CDH18: variants seen among roughly 807,000 people sequenced by gnomAD.
The protein encoded by CDH18 is cadherin 18, also known as cadherin-18.
In CDH18, 31 loss-of-function variants were observed where a neutral mutation model predicts 67.9. That is an observed-to-expected ratio of 0.46 (90% CI 0.34 to 0.62). CDH18 has a LOEUF of 0.62. Ranked by LOEUF, CDH18 falls within the 20% of genes least tolerant of loss-of-function variation. The pLI is 0.01. For synonymous variants in CDH18, 362 were observed against 347.2 expected (o/e 1.04, Z -0.48); for missense variants, 890 against 975.5 (o/e 0.91, Z 1.17).
intron 6 of CDH18, among the ~76,000 whole-genome samples, chr5:19,608,070 T>A (rs2150092242): frequency 6.6e-6 from 1 of 151,818 alleles, no homozygotes; most frequent in African/African-American, 2.4e-5. Flanking sequence ...TGGAAGACTT[T>A]AACATCTCTC....
intron 2 of CDH18, among the ~76,000 whole-genome samples, chr5:19,958,345 A>G (rs1796465079): frequency 6.7e-6 from 1 of 148,984 alleles, no homozygotes; most frequent in Non-Finnish European, 1.5e-5. Context: ...CTTATACTAG[A>G]TAAAGAAACT....
intron 3 of CDH18, among the ~76,000 whole-genome samples, chr5:19,768,601 T>C (rs938721842): frequency 3.3e-5 from 5 of 152,046 alleles, no homozygotes; most frequent in Non-Finnish European, 4.4e-5. Context: ...TATATATTGG[T>C]TCCAGATATT....
At chr5:20,338,299 C>T (rs115380042) in intron 1 of CDH18, among the ~76,000 whole-genome samples, 1,626 of 152,306 alleles carry the variant, frequency 0.011, 33 homozygotes, top group African/African-American at 0.038. Context: ...GCCTATCAAG[C>T]CCCAAACCTC....
chr5:19,886,952 A>G (rs951127294), intron 2 of CDH18, among the ~76,000 whole-genome samples: 1 of 152,192 alleles, frequency 6.6e-6, no homozygotes, highest in South Asian at 2.1e-4. Context: ...GCTATATATT[A>G]TTGCATATGA....
chr5:20,469,923 A>G (rs1254524755), intron 1 of CDH18, among the ~76,000 whole-genome samples: 1 of 152,048 alleles, frequency 6.6e-6, no homozygotes, highest in African/African-American at 2.4e-5. Context: ...TTGGCCTCTC[A>G]GTTTCCTGAA....
In CDH18 at chr5:20,495,944, A is replaced by C. The variant is rs554945710; in HGVS notation, c.-580+79518T>G. Among the ~76,000 whole-genome samples the C allele has an allele frequency of 6.6e-5, 10 of 152,300 alleles. No homozygotes were observed. The South Asian group carries it at 1.9e-3, about 28-fold the overall frequency. ...CAACTTGACTAAGTCACAAAATAAA[A>C]GTTTGTGAATTGGACAGGACAAGAG... is the stretch of plus-strand genomic sequence containing the variant. On this transcript the variant is annotated intron_variant, in intron 1 of 14. Transcript: ENST00000507958.
At chr5:20,398,904 C>T (rs553913417) in intron 1 of CDH18, among the ~76,000 whole-genome samples, 19 of 149,586 alleles carry the variant, frequency 1.3e-4, no homozygotes, top group Admixed American at 1.1e-3. Flanking sequence ...CACACGTATA[C>T]CTACGTAGAA....
chr5:20,491,267 C>A (rs981589), intron 1 of CDH18, among the ~76,000 whole-genome samples: 5,050 of 151,598 alleles, frequency 0.033, 277 homozygotes, highest in African/African-American at 0.11. Flanking sequence ...GTTCACCATT[C>A]TCCATGTATT....
chr5:19,624,019 A>ATTATTG (rs1029396754), intron 5 of CDH18, among the ~76,000 whole-genome samples: 2 of 147,166 alleles, frequency 1.4e-5, no homozygotes, highest in Admixed American at 1.4e-4. Context: ...TATTATTATT[A>ATTATTG]TTATTGAGAT....
At chr5:20,514,029 G>T (rs1028192884) in intron 1 of CDH18, among the ~76,000 whole-genome samples, 2 of 151,924 alleles carry the variant, frequency 1.3e-5, no homozygotes, top group African/African-American at 4.8e-5. Context: ...TTGCACTTTC[G>T]CAAATGTTAT....
intron 6 of CDH18, among the ~76,000 whole-genome samples, chr5:19,600,719 T>C (rs1198620967): frequency 6.6e-6 from 1 of 152,072 alleles, no homozygotes; most frequent in Admixed American, 6.5e-5. Context: ...ATGAAATATC[T>C]ACCACACTAA....
chr5:20,269,176 A>G (rs948066127), intron 1 of CDH18, among the ~76,000 whole-genome samples: 1 of 152,006 alleles, frequency 6.6e-6, no homozygotes, highest in Admixed American at 6.6e-5. Context: ...CAAAACCACA[A>G]TGAGATAACA....
At chr5:20,056,488 T>G (rs866480867) in intron 2 of CDH18, among the ~76,000 whole-genome samples, 6 of 133,012 alleles carry the variant, frequency 4.5e-5, no homozygotes, top group South Asian at 2.5e-4. Context: ...GTTTTTTTTT[T>G]TTTTTTTTTT....
At chr5:20,483,985 T>A (rs1470832116) in intron 1 of CDH18, among the ~76,000 whole-genome samples, 2 of 151,844 alleles carry the variant, frequency 1.3e-5, no homozygotes, top group African/African-American at 2.4e-5. Context: ...ACAAACAAAG[T>A]GAAGAGACAA....
intron 1 of CDH18, among the ~76,000 whole-genome samples, chr5:20,346,245 TATTA>T (rs1740685609): frequency 6.6e-6 from 1 of 152,140 alleles, no homozygotes; most frequent in African/African-American, 2.4e-5. Flanking sequence ...CAGAGAGTCT[TATTA>T]ATTAAAATTT....
At chr5:20,219,376 C>T (rs539972806) in intron 2 of CDH18, among the ~76,000 whole-genome samples, 1 of 151,814 alleles carries the variant, frequency 6.6e-6, no homozygotes, top group East Asian at 1.9e-4. Context: ...AATGTCAACA[C>T]TGCTGAATTT....
chr5:19,962,830 G>T (rs1407021843), intron 2 of CDH18, among the ~76,000 whole-genome samples: 1 of 152,006 alleles, frequency 6.6e-6, no homozygotes, highest in Non-Finnish European at 1.5e-5. Flanking sequence ...AAGTCTCAGA[G>T]AATATTATTT....
chr5:20,244,268 C>A (rs1743206939), intron 2 of CDH18, among the ~76,000 whole-genome samples: 1 of 152,058 alleles, frequency 6.6e-6, no homozygotes, highest in Non-Finnish European at 1.5e-5. Context: ...CAGAATAAGA[C>A]TGTCAAAGAA....
chr5:20,073,066 C>A (rs1448047960), intron 2 of CDH18, among the ~76,000 whole-genome samples: 1 of 151,692 alleles, frequency 6.6e-6, no homozygotes, highest in African/African-American at 2.4e-5. Context: ...AAAACATGTA[C>A]ATAAAAAAAA....
Sources: allele counts gnomAD v4.1 joint callset (sites outside exome capture counted in the v4.1 genomes callset), GRCh38; gene constraint gnomAD v4.1.1; transcripts MANE v1.5; gene names NCBI Gene and HGNC (gene_info 2026-07-23, HGNC 2026-07-21).